The following DGUOK variants were observed in gnomAD, a reference collection of about 807,000 sequenced individuals.
DGUOK encodes deoxyguanosine kinase, mitochondrial.
In DGUOK, 30 loss-of-function variants were observed where a neutral mutation model predicts 36.6. That is an observed-to-expected ratio of 0.82 (90% CI 0.61 to 1.11). The LOEUF (loss-of-function observed/expected upper bound fraction) is 1.11, where lower values mean the gene tolerates loss of function less well. Among genes scored for constraint, DGUOK ranks in the 50% most tolerant of loss-of-function variants. The probability of loss-of-function intolerance (pLI) is 0.00; values close to 1 mark genes in which losing one functional copy is unlikely to be tolerated. For missense variants in DGUOK, 361 were observed against 336.4 expected, an observed-to-expected ratio of 1.07 and a Z score of -0.57; for synonymous variants, 145 against 126.3, an observed-to-expected ratio of 1.15 and a Z score of -0.99.
At chr2:73,958,381 TGG>T (rs1683289323) in intron 6 of DGUOK, 136 bp downstream of exon 6, 1 of 733,656 alleles carries the variant, frequency 1.4e-6, no homozygotes, top group African/African-American at 1.7e-5. Context: ...CCAAGGCCTA[TGG>T]AATCTTGTGC....
intron 2 of DGUOK, among the ~76,000 whole-genome samples, chr2:73,943,031 T>G (rs1436269805): frequency 6.6e-6 from 1 of 152,258 alleles, no homozygotes; most frequent in Non-Finnish European, 1.5e-5. Context: ...TGAACTTTTT[T>G]TTGGTCATGA....
chr2:73,942,714 T>C (rs570225811), intron 2 of DGUOK, among the ~76,000 whole-genome samples: 1 of 152,340 alleles, frequency 6.6e-6, no homozygotes, highest in African/African-American at 2.4e-5. Flanking sequence ...TTTCTTTCAT[T>C]GGGTAGAACT....
At position 73,946,891 on chromosome 2, in the gene DGUOK, C is replaced by G. The variant is rs762146219; in HGVS notation, c.428C>G (p.Ser143Cys). 6.2e-7 allele frequency: 1 copy of G among 1,612,386 alleles called. No individual in the cohort carries two copies. The highest frequency in any genetic ancestry group is 2.2e-5 in the East Asian group (1 of 44,864). ...ARKPVQIFERSVYSDRYIFAK... is the reference protein window; with the variant it reads ...ARKPVQIFERCVYSDRYIFAK... ...AAGCCAGTACAGATCTTTGAGAGGT[C>G]TGTGTACAGTGACAGGTAAAATGCC... The change falls in exon 3 of 7, where the codon TCT (serine) becomes TGT (cysteine). Residue 143 changes from serine (S) to cysteine (C), a missense_variant. By Grantham distance (112) the Ser-to-Cys change is moderately radical (BLOSUM62 -1). Transcript: ENST00000264093.
At chr2:73,957,104 G>C (rs554589234) in intron 4 of DGUOK, 21 bp from the exon 5 acceptor site, 2 of 1,585,418 alleles carry the variant, frequency 1.3e-6, no homozygotes, top group South Asian at 1.1e-5. Flanking sequence ...AGCTCATCAG[G>C]GCTTGGGGAC....
intron 4 of DGUOK, among the ~76,000 whole-genome samples, chr2:73,953,383 G>T (rs1215336608): frequency 2.6e-5 from 4 of 151,812 alleles, no homozygotes; most frequent in African/African-American, 9.7e-5. Flanking sequence ...AGAATGAGAA[G>T]AGTTGAAGGA....
At chr2:73,943,435 C>T (rs945329132) in intron 2 of DGUOK, among the ~76,000 whole-genome samples, 2 of 151,618 alleles carry the variant, frequency 1.3e-5, no homozygotes, top group Non-Finnish European at 2.9e-5. Context: ...GTGTTGGGAC[C>T]ACAGATGTGA....
chr2:73,938,568 A>G (rs1681653158), intron 1 of DGUOK, among the ~76,000 whole-genome samples: 1 of 152,250 alleles, frequency 6.6e-6, no homozygotes, highest in Non-Finnish European at 1.5e-5. Flanking sequence ...CAGTACAAAT[A>G]GAATGGTGAC....
intron 1 of DGUOK, among the ~76,000 whole-genome samples, chr2:73,931,075 C>T (rs1040263089): frequency 2.0e-5 from 3 of 152,040 alleles, no homozygotes; most frequent in South Asian, 2.1e-4. Context: ...GGATTATAGG[C>T]GTTAGCCACC....
chr2:73,949,144 G>A (rs1408799663), intron 3 of DGUOK, among the ~76,000 whole-genome samples: 1 of 152,170 alleles, frequency 6.6e-6, no homozygotes, highest in East Asian at 1.9e-4. Flanking sequence ...TAGAAACGGG[G>A]TTTCACCATG....
chr2:73,956,753 C>A (rs73947973), intron 4 of DGUOK, among the ~76,000 whole-genome samples: 5,483 of 152,222 alleles, frequency 0.036, 323 homozygotes, highest in African/African-American at 0.12. Flanking sequence ...AGGACCCGAC[C>A]AGGGCAGAGG....
intron 5 of DGUOK, 147 bp downstream of exon 5, chr2:73,957,387 A>C (rs999100849): frequency 1.4e-6 from 1 of 718,372 alleles, no homozygotes; most frequent in Non-Finnish European, 2.5e-6. Flanking sequence ...TCCAACTCAG[A>C]AGTTTAATAT....
chr2:73,939,015 C>T lies in DGUOK; in HGVS notation c.248C>T (p.Thr83Ile). 3.1e-6 allele frequency: 5 copies of T among 1,613,076 alleles called. No individual in the cohort carries two copies. Among genetic ancestry groups the T allele is most frequent in the Non-Finnish European group, 4.2e-6 (5 of 1,179,090 alleles). The change falls in exon 2 of 7, where the codon ACC (threonine) becomes ATC (isoleucine). Residue 83 changes from threonine (T) to isoleucine (I), a missense_variant. Thr to Ile is a moderately conservative substitution (Grantham distance 89). Transcript: ENST00000264093. ...ATWQNIQAAG[T>I]QKACTAQSLG... ...TGGCAGAATATCCAGGCTGCTGGCA[C>T]CCAAAAAGTAAGTTTTTAGTTGTGG...
chr2:73,951,315 T>C (rs1428833331), intron 4 of DGUOK, among the ~76,000 whole-genome samples: 1 of 152,144 alleles, frequency 6.6e-6, no homozygotes, highest in Non-Finnish European at 1.5e-5. Flanking sequence ...AGAAGTGAGC[T>C]GTGGCTTCTG....
At chr2:73,953,146 CTG>C (rs1682817601) in intron 4 of DGUOK, among the ~76,000 whole-genome samples, 1 of 152,100 alleles carries the variant, frequency 6.6e-6, no homozygotes, top group Non-Finnish European at 1.5e-5. Flanking sequence ...TGGCATTAAT[CTG>C]TCTTAACAAC....
intron 1 of DGUOK, among the ~76,000 whole-genome samples, chr2:73,930,157 T>C (rs912612655): frequency 1.3e-5 from 2 of 152,064 alleles, no homozygotes; most frequent in African/African-American, 4.8e-5. Flanking sequence ...TCAGAGGGTG[T>C]GGTGGGAACT....
At chr2:73,928,204 T>C (rs1680751650) in intron 1 of DGUOK, among the ~76,000 whole-genome samples, 1 of 152,182 alleles carries the variant, frequency 6.6e-6, no homozygotes, top group East Asian at 1.9e-4. Flanking sequence ...CTCGACTCAC[T>C]GCAACCTCTG....
At chr2:73,948,104 G>A (rs544470597) in intron 3 of DGUOK, among the ~76,000 whole-genome samples, 1 of 152,212 alleles carries the variant, frequency 6.6e-6, no homozygotes, top group South Asian at 2.1e-4. Flanking sequence ...AATTACAAAT[G>A]GCTGGGCTAT....
At chr2:73,956,208 C>T (rs754225160) in intron 4 of DGUOK, among the ~76,000 whole-genome samples, 1 of 152,230 alleles carries the variant, frequency 6.6e-6, no homozygotes, top group Non-Finnish European at 1.5e-5. Context: ...GAATTATGTA[C>T]ACTCTGCAAA....
intron 2 of DGUOK, among the ~76,000 whole-genome samples, chr2:73,942,243 A>G (rs1681959280): frequency 6.6e-6 from 1 of 152,030 alleles, no homozygotes; most frequent in African/African-American, 2.4e-5. Context: ...TATATAATAT[A>G]TTTTTACAAT....
Sources: allele counts gnomAD v4.1 joint callset (sites outside exome capture counted in the v4.1 genomes callset), GRCh38; gene constraint gnomAD v4.1.1; transcripts MANE v1.5; gene names NCBI Gene and HGNC (gene_info 2026-07-23, HGNC 2026-07-21).